Variants in NUMB observed in about 807,000 individuals in gnomAD.
NUMB encodes NUMB endocytic adaptor protein.
NUMB carries 29 observed loss-of-function variants against 59.7 expected under a neutral mutation model. The observed-to-expected ratio is 0.49, with a 90% confidence interval of 0.36 to 0.66. The LOEUF is 0.66. Ranked by LOEUF, NUMB falls within the 30% of genes least tolerant of loss-of-function variation. The pLI is 0.00. For missense variants in NUMB, 723 were observed against 822.0 expected (o/e 0.88, Z 1.47); for synonymous variants, 288 against 288.2 (o/e 1.00, Z 0.01).
chr14:73,453,515 G>T lies in NUMB; in HGVS notation c.-233+4978C>A, dbSNP rs1435668045. Among the ~76,000 whole-genome samples, 3 of 151,838 alleles carry T rather than the reference G, an allele frequency of 2.0e-5. No individual in the cohort carries two copies. In the South Asian group the frequency reaches 6.2e-4, roughly 32 times the overall value. On this transcript the variant is annotated intron_variant, in intron 1 of 12. Transcript: ENST00000555238. ...TGATATCTTATTTATCACTACCTGTGTGTTGCAGCTGAACATACATCCTAA... is the reference window on the plus strand; with the variant it reads ...TGATATCTTATTTATCACTACCTGTTTGTTGCAGCTGAACATACATCCTAA...
At chr14:73,325,741 C>T (rs1377741803) in intron 4 of NUMB, among the ~76,000 whole-genome samples, 1 of 152,212 alleles carries the variant, frequency 6.6e-6, no homozygotes, top group Non-Finnish European at 1.5e-5. Context: ...GGAAATGGAA[C>T]TCCTAAAGCT....
chr14:73,431,903 C>T (rs781726663), intron 1 of NUMB, among the ~76,000 whole-genome samples: 1 of 151,884 alleles, frequency 6.6e-6, no homozygotes, highest in Non-Finnish European at 1.5e-5. Flanking sequence ...GGGGAAGGGG[C>T]AGAGAGTGGT....
intron 1 of NUMB, among the ~76,000 whole-genome samples, chr14:73,447,861 C>T (rs1883645107): frequency 6.6e-6 from 1 of 150,948 alleles, no homozygotes; most frequent in African/African-American, 2.4e-5. Flanking sequence ...TGGCTCACTA[C>T]AATGCCCCCT....
Position 73,287,205 on chromosome 14 carries a change from G to A in NUMB, c.560C>T (p.Thr187Ile). ...GAATGATCCTTCTCTTGTAAAAGTG[G>A]TCCGACTAGCATCAAAAGTAGCAGT... ...GVTATFDASR[T>I]TFTREGSFRV... is the part of the protein sequence containing the mutation. The change falls in exon 9 of 13, where the codon ACC (threonine) becomes ATC (isoleucine). Residue 187 changes from threonine to isoleucine, a missense_variant. Thr to Ile is a moderately conservative substitution (Grantham distance 89). Around this residue, in one of 2 missense-constraint regions of NUMB, gnomAD observed 317 missense variants for 436.6 expected, o/e 0.73. Transcript: ENST00000555238. The A allele has an allele frequency of 6.2e-7, 1 of 1,613,558 alleles. No homozygotes were observed. The highest frequency in any genetic ancestry group is 8.5e-7 in the Non-Finnish European group (1 of 1,179,948).
intron 2 of NUMB, among the ~76,000 whole-genome samples, chr14:73,368,036 A>C (rs1894459533): frequency 7.3e-6 from 1 of 136,808 alleles, no homozygotes; most frequent in African/African-American, 2.7e-5. Flanking sequence ...TAGTTTCTGC[A>C]AAGTGTTTAA....
At chr14:73,281,488 T>C (rs1888633288) in intron 11 of NUMB, 1 of 152,132 alleles carries the variant, frequency 6.6e-6, no homozygotes. Flanking sequence ...GTGTAGTTCT[T>C]CCAGTAGAAG....
intron 6 of NUMB, among the ~76,000 whole-genome samples, chr14:73,301,951 C>G (rs2139859375): frequency 6.6e-6 from 1 of 152,176 alleles, no homozygotes; most frequent in Middle Eastern, 3.4e-3. Context: ...GGTGTGGGGG[C>G]ACGTGCCTGT....
At chr14:73,301,805 G>T (rs773911331) in intron 6 of NUMB, among the ~76,000 whole-genome samples, 4 of 152,158 alleles carry the variant, frequency 2.6e-5, no homozygotes, top group Non-Finnish European at 5.9e-5. Context: ...GTGTGGCCGG[G>T]TGTGGTGGCT....
intron 1 of NUMB, among the ~76,000 whole-genome samples, chr14:73,430,117 A>G (rs1434089562): frequency 6.6e-6 from 1 of 150,746 alleles, no homozygotes; most frequent in East Asian, 1.9e-4. Flanking sequence ...TATATTTTAT[A>G]TGTTTTAAAT....
chr14:73,384,734 T>TTTG (rs1895413769), intron 2 of NUMB, among the ~76,000 whole-genome samples: 7 of 133,116 alleles, frequency 5.3e-5, no homozygotes, highest in African/African-American at 1.9e-4. Flanking sequence ...CGCCTGGCTT[T>TTTG]TTTGTTTGTT....
chr14:73,404,161 G>A (rs980127698), intron 2 of NUMB, among the ~76,000 whole-genome samples: 5 of 151,634 alleles, frequency 3.3e-5, no homozygotes, highest in African/African-American at 9.7e-5. Flanking sequence ...AGAATCGCTT[G>A]AGCCTGGGAG....
rs550607850 is a variant in NUMB at position 73,317,472 on chromosome 14, T to C, written c.202-1050A>G. Among the ~76,000 whole-genome samples, 7 of 152,276 alleles carry C rather than the reference T, an allele frequency of 4.6e-5. No homozygotes were observed. The South Asian group carries it at 1.4e-3, about 32-fold the overall frequency. ...GTGCGCCACCACATCCAGCTAATTT[T>C]TGTATTTTTAGTAGAGACAGGGTTT... On this transcript the variant is annotated intron_variant, in intron 5 of 12. Coordinates refer to ENST00000555238, the MANE Select transcript of NUMB (RefSeq NM_001005743.2).
intron 1 of NUMB, among the ~76,000 whole-genome samples, chr14:73,449,698 G>GGTGT (rs1883791591): frequency 2.1e-5 from 1 of 48,548 alleles, no homozygotes; most frequent in Non-Finnish European, 3.3e-5. Flanking sequence ...GTAATGTTTT[G>GGTGT]GTGTTTGTTT....
chr14:73,311,000 C>A (rs936468632), intron 6 of NUMB, among the ~76,000 whole-genome samples: 2 of 152,054 alleles, frequency 1.3e-5, no homozygotes, highest in African/African-American at 4.8e-5. Context: ...ATGTAATAAT[C>A]CCTAAAAAGC....
intron 2 of NUMB, among the ~76,000 whole-genome samples, chr14:73,371,274 G>A (rs1421577479): frequency 2.0e-5 from 3 of 152,050 alleles, no homozygotes; most frequent in Admixed American, 6.6e-5. Context: ...AGTGGCTCAC[G>A]CCTGTAATCT....
At chr14:73,400,391 C>A (rs941188063) in intron 2 of NUMB, among the ~76,000 whole-genome samples, 2 of 152,168 alleles carry the variant, frequency 1.3e-5, no homozygotes, top group Non-Finnish European at 2.9e-5. Flanking sequence ...AAGTACAACA[C>A]CAAGAATAAA....
chr14:73,458,412 G>T (rs1884588547), intron 1 of NUMB, 81 bp downstream of exon 1: 2 of 152,184 alleles, frequency 1.3e-5, no homozygotes, highest in Non-Finnish European at 1.5e-5. Context: ...CCTTCCTCCG[G>T]CCTCCGCCTC....
In NUMB at chr14:73,292,782, G is replaced by C; in HGVS notation, c.402C>G (p.Gly134=). Residue 134 remains glycine (G), a synonymous_variant, in exon 8 of 13, where the codon GGC becomes GGG. Coordinates refer to ENST00000555238, the MANE Select transcript of NUMB (RefSeq NM_001005743.2). ...DRAFSYICRD[G]TTRRWICHCF... Reference sequence around the variant, plus strand: ...AGTGACAGATCCAGCGACGAGTGGTGCCATCACGGCATATGTAAGAAAAGG... The same window carrying C: ...AGTGACAGATCCAGCGACGAGTGGTCCCATCACGGCATATGTAAGAAAAGG... The C allele has an allele frequency of 6.2e-7, 1 of 1,614,200 alleles. No homozygotes were observed. Among genetic ancestry groups the C allele is most frequent in the Non-Finnish European group, 8.5e-7 (1 of 1,180,016 alleles).
intron 1 of NUMB, among the ~76,000 whole-genome samples, chr14:73,433,406 A>G (rs1422469772): frequency 6.6e-6 from 1 of 152,124 alleles, no homozygotes; most frequent in Admixed American, 6.6e-5. Context: ...TGGGTGACAG[A>G]GCCAGACTCC....
Sources: allele counts gnomAD v4.1 joint callset (sites outside exome capture counted in the v4.1 genomes callset), GRCh38; gene constraint gnomAD v4.1.1; regional missense constraint gnomAD v4.1.1; transcripts MANE v1.5; gene names NCBI Gene and HGNC (gene_info 2026-07-23, HGNC 2026-07-21).